Variants in GABRA2 observed in about 807,000 individuals in gnomAD.
GABRA2 encodes the protein gamma-aminobutyric acid type A receptor subunit alpha2, also known as gamma-aminobutyric acid receptor subunit alpha-2.
A neutral mutation model predicts 48.7 loss-of-function variants in GABRA2; 16 were observed. The observed-to-expected ratio is 0.33, with a 90% CI of 0.22 to 0.50. The LOEUF (loss-of-function observed/expected upper bound fraction) is 0.50, where lower values mean the gene tolerates loss of function less well. GABRA2 is among the 20% of genes least tolerant of loss of function. GABRA2 has a pLI of 0.98. For synonymous variants in GABRA2, 185 were observed against 184.5 expected, an observed-to-expected ratio of 1.00 and a Z score of -0.02; for missense variants, 275 against 535.6, an observed-to-expected ratio of 0.51 and a Z score of 4.80.
chr4:46,277,727 G>T (rs560539790), intron 8 of GABRA2, among the ~76,000 whole-genome samples: 2 of 152,176 alleles, frequency 1.3e-5, no homozygotes, highest in African/African-American at 4.8e-5. Flanking sequence ...CACAGGGACC[G>T]GGCAGGAAAG....
rs1013211451 is a variant in GABRA2, at chr4:46,248,127, A to G, written c.*2181T>C. Among the ~76,000 whole-genome samples, 6 of 151,278 alleles carry G rather than the reference A, an allele frequency of 4.0e-5. No individual in the cohort carries two copies. The highest frequency in any genetic ancestry group is 1.5e-4 in the African/African-American group (6 of 41,324). The stretch of plus-strand genomic sequence containing the variant: ...TTGTCATACAGAAACTGTTATTTAC[A>G]ACTGTTTTTACATATACACATATTT... On this transcript the variant is annotated 3_prime_UTR_variant, in exon 10 of 10. Transcript: ENST00000381620.
rs138372902 is a variant in GABRA2 at position 46,274,629 on chromosome 4, G to T, written c.857-12501C>A. ...GCAAAAGGGAAATGATATTTTGGGG[G>T]TTGTTGGAAGGAAAACCTATAAGCA... On this transcript the variant is annotated intron_variant, in intron 8 of 9. Coordinates refer to ENST00000381620, the MANE Select transcript of GABRA2 (RefSeq NM_000807.4). 7.0e-3 allele frequency among the ~76,000 whole-genome samples: 1,061 copies of T among 152,128 alleles called. 7 individuals carry two copies. The highest frequency in any genetic ancestry group is 0.017 in the Middle Eastern group (5 of 294).
intron 8 of GABRA2, among the ~76,000 whole-genome samples, chr4:46,293,869 A>C (rs1724147555): frequency 6.6e-6 from 1 of 152,218 alleles, no homozygotes; most frequent in African/African-American, 2.4e-5. Flanking sequence ...GCCTGTGCAG[A>C]AGACAGATGG....
chr4:46,377,602 G>A (rs1042043195), intron 3 of GABRA2, among the ~76,000 whole-genome samples: 1 of 151,460 alleles, frequency 6.6e-6, no homozygotes, highest in Non-Finnish European at 1.5e-5. Flanking sequence ...CGGCAGGGAG[G>A]TGGGGGGTCA....
chr4:46,289,970 G>A (rs1290299048), intron 8 of GABRA2, among the ~76,000 whole-genome samples: 3 of 147,200 alleles, frequency 2.0e-5, no homozygotes, highest in Middle Eastern at 7.3e-3. Flanking sequence ...GGAGTGCGGT[G>A]GCGCGATCTC....
At chr4:46,387,638 T>C (rs1428813102) in intron 2 of GABRA2, among the ~76,000 whole-genome samples, 1 of 152,198 alleles carries the variant, frequency 6.6e-6, no homozygotes, top group Non-Finnish European at 1.5e-5. Context: ...TCACATTTTA[T>C]ATTTTCTTTC....
intron 3 of GABRA2, among the ~76,000 whole-genome samples, chr4:46,345,610 GT>G (rs1275776793): frequency 2.0e-5 from 3 of 151,862 alleles, no homozygotes; most frequent in Middle Eastern, 3.2e-3. Context: ...CTAAACCACA[GT>G]TGTCCTGAAC....
At chr4:46,270,401 G>A (rs1719094087) in intron 8 of GABRA2, among the ~76,000 whole-genome samples, 2 of 151,958 alleles carry the variant, frequency 1.3e-5, no homozygotes, top group Admixed American at 6.6e-5. Context: ...CAAAGAGATA[G>A]TGCACTTACC....
chr4:46,303,618 A>G lies in GABRA2; in HGVS notation c.704-6T>C. On this transcript the variant is annotated splice_polypyrimidine_tract_variant and splice_region_variant and intron_variant, in intron 7 of 9. Transcript: ENST00000381620. ...TGTCATTACAGTATATTCACCTGGA[A>G]GAAAAATTTAAGAAGCTCAAGGAGT... The G allele has an allele frequency of 6.2e-7, 1 of 1,612,178 alleles. No homozygotes were observed. The highest frequency in any genetic ancestry group is 8.5e-7 in the Non-Finnish European group (1 of 1,178,518).
chr4:46,333,602 T>C (rs1731731987), intron 3 of GABRA2, among the ~76,000 whole-genome samples: 1 of 152,192 alleles, frequency 6.6e-6, no homozygotes, highest in Non-Finnish European at 1.5e-5. Context: ...TAGAGTAAAC[T>C]ATGTCTGGGA....
At chr4:46,330,591 T>TATATATATAGAGAGAGAG (rs1411755120) in intron 4 of GABRA2, among the ~76,000 whole-genome samples, 381 of 122,540 alleles carry the variant, frequency 3.1e-3, no homozygotes, top group East Asian at 5.3e-3. Context: ...TATATATATA[T>TATATATATAGAGAGAGAG]AGAGAGAGAG....
chr4:46,243,942 A>G lies in GABRA2; in HGVS notation c.*6366T>C, dbSNP rs1328509483. On this transcript the variant is annotated 3_prime_UTR_variant, in exon 10 of 10. Coordinates refer to ENST00000381620, the MANE Select transcript of GABRA2 (RefSeq NM_000807.4). ...GACATTTTTTAAAGTTTTCACTCACATCACATCTACTGGAAACATTTCATG... is the reference window on the plus strand; with the variant it reads ...GACATTTTTTAAAGTTTTCACTCACGTCACATCTACTGGAAACATTTCATG... 3 of 151,706 alleles carry G rather than the reference A, an allele frequency of 2.0e-5. No individual in the cohort carries two copies. The highest frequency in any genetic ancestry group is 2.1e-4 in the South Asian group (1 of 4,826). The allele number at this position is 151,706 out of a possible 1,614,324, so 9.4% of individuals were successfully genotyped here.
At position 46,305,664 on chromosome 4, in the gene GABRA2, A is replaced by AT; in HGVS notation, c.606dup (p.Ser203IlefsTer2). ...TCAGGAGCAACCTGTACTGAATCAG[A>AT]TGCATTGTAAGTCCAAATATAAGTG... On this transcript the variant is annotated frameshift_variant, in exon 7 of 10. Transcript: ENST00000381620. LOFTEE classifies it high-confidence loss of function. 6.2e-7 allele frequency: 1 copy of AT among 1,613,350 alleles called. No homozygotes were observed. The highest frequency in any genetic ancestry group is 8.5e-7 in the Non-Finnish European group (1 of 1,179,320).
At chr4:46,295,521 C>T (rs1055566800) in intron 8 of GABRA2, among the ~76,000 whole-genome samples, 10 of 152,184 alleles carry the variant, frequency 6.6e-5, no homozygotes, top group Non-Finnish European at 4.4e-5. Flanking sequence ...TGGACACCAC[C>T]CAGCCTCTTT....
chr4:46,389,055 T>G, intron 1 of GABRA2: 1 of 1,044,880 alleles, frequency 9.6e-7, no homozygotes, highest in Non-Finnish European at 1.2e-6. Flanking sequence ...AATAACACCC[T>G]GGACTTTAAA....
At chr4:46,371,173 TA>T (rs1156652566) in intron 3 of GABRA2, among the ~76,000 whole-genome samples, 1 of 152,180 alleles carries the variant, frequency 6.6e-6, no homozygotes, top group Non-Finnish European at 1.5e-5. Context: ...AAAATTAAAG[TA>T]CAATGTTTTT....
Position 46,386,102 on chromosome 4 carries a change from G to A in GABRA2, c.159C>T (p.Tyr53=), listed in dbSNP as rs75636490. The A allele has an allele frequency of 8.1e-4, 1,297 of 1,610,590 alleles. 10 individuals are homozygous for A. The Middle Eastern group carries it at 0.015, about 19-fold the overall frequency. Residue 53 remains tyrosine (Y), a synonymous_variant, in exon 3 of 10, where the codon TAC becomes TAT. Transcript: ENST00000381620. ...CCAGTCCTGGTCTAAGCCGATTATC[G>A]TAACCATCCAGAAGTCTGTCAAGAA... is the stretch of plus-strand genomic sequence containing the variant. ...TRILDRLLDG[Y]DNRLRPGLGD...
chr4:46,270,848 A>G (rs190832953), intron 8 of GABRA2, among the ~76,000 whole-genome samples: 29 of 152,080 alleles, frequency 1.9e-4, no homozygotes, highest in Admixed American at 9.9e-4. Context: ...AAGAAAGTCA[A>G]ACTAAGGTAG....
intron 6 of GABRA2, among the ~76,000 whole-genome samples, chr4:46,306,362 G>C (rs1276108570): frequency 6.6e-6 from 1 of 152,142 alleles, no homozygotes; most frequent in Non-Finnish European, 1.5e-5. Flanking sequence ...GGCAGGAAGA[G>C]GAAAAACTGC....
Sources: allele counts gnomAD v4.1 joint callset (sites outside exome capture counted in the v4.1 genomes callset), GRCh38; gene constraint gnomAD v4.1.1; transcripts MANE v1.5; gene names NCBI Gene and HGNC (gene_info 2026-07-23, HGNC 2026-07-21).